The following XAB2 variants were observed in gnomAD, a reference collection of about 807,000 sequenced individuals.
XAB2 encodes XPA binding protein 2.
In XAB2, 57 loss-of-function variants were observed where a neutral mutation model predicts 113.4. The ratio of observed to expected loss-of-function variants is 0.50; its 90% CI spans 0.41 to 0.63. XAB2 has a LOEUF of 0.63. Ranked by LOEUF, XAB2 falls within the 20% of genes least tolerant of loss-of-function variation. The pLI, the probability that XAB2 is intolerant of heterozygous loss-of-function variation, is 0.00. For synonymous variants in XAB2, 497 were observed against 498.8 expected (o/e 1.00, Z 0.05); for missense variants, 1,037 against 1,233.3 (o/e 0.84, Z 2.38).
rs372724273 is a variant in XAB2 at position 7,624,295 on chromosome 19, G to A, written c.967+6C>T. The stretch of plus-strand genomic sequence containing the variant: ...TCCCCACCAGCCGGGGCCCCCAGAG[G>A]CTCACCCTCCTCCTCGCGCCCCAGC... On this transcript the variant is annotated splice_donor_region_variant and intron_variant, in intron 7 of 18. Transcript: ENST00000358368. This position sits in a 1 kb window ranked among gnomAD's most constrained non-coding sequence, Gnocchi z 4.2. 1.9e-4 allele frequency: 309 copies of A among 1,612,660 alleles called. No individual in the cohort carries two copies. The highest frequency in any genetic ancestry group is 2.4e-4 in the Non-Finnish European group (284 of 1,179,988).
rs780740847 is a variant in XAB2 at position 7,620,403 on chromosome 19, C to T, written c.2138G>A (p.Arg713Gln). 14 of 1,611,460 alleles carry T rather than the reference C, an allele frequency of 8.7e-6. No homozygotes were observed. The highest frequency in any genetic ancestry group is 5.5e-5 in the South Asian group (5 of 91,074). Reference protein sequence around the residue: ...FWQTWKDFEVRHGNEDTIKEM... With the variant: ...FWQTWKDFEVQHGNEDTIKEM... ...CTTGATGGTGTCCTCATTGCCATGC[C>T]GGACCTCAAAGTCCTTCCACGTCTG... Residue 713 changes from arginine to glutamine, a missense_variant, in exon 16 of 19, where the codon CGG becomes CAG. By Grantham distance (43) the Arg-to-Gln change is conservative (BLOSUM62 1). Transcript: ENST00000358368.
chr19:7,629,512 G>T lies in XAB2; in HGVS notation c.16C>A (p.Arg6=). 6.2e-7 allele frequency: 1 copy of T among 1,605,256 alleles called. No homozygotes were observed. The highest frequency in any genetic ancestry group is 8.5e-7 in the Non-Finnish European group (1 of 1,176,166). The change falls in exon 1 of 19, where the codon CGA becomes AGA. Residue 6 remains arginine, a synonymous_variant. Coordinates refer to ENST00000358368, the MANE Select transcript of XAB2 (RefSeq NM_020196.3). ...TCCGGCCGCTCGGGCCGCGAGAGTC[G>T]CGCCATCACCACCATTTTTCTGGAT... MVVMA[R]LSRPERPDLV...
rs371834215 is a variant in XAB2 at position 7,627,801 on chromosome 19, T to A, written c.251A>T (p.His84Leu). The change falls in exon 3 of 19, where the codon CAT (histidine) becomes CTT (leucine). Residue 84 changes from histidine (H) to leucine (L), a missense_variant. By Grantham distance (99) the His-to-Leu change is moderately conservative. Coordinates refer to ENST00000358368, the MANE Select transcript of XAB2 (RefSeq NM_020196.3). The surrounding 1 kb of genome is among the most constrained non-coding windows in gnomAD (Gnocchi z 4.5). ...YLKARRAQVK[H>L]RCVTDPAYED... ...ATAGGCAGGGTCGGTCACACAGCGA[T>A]GCTTCACCTGTGCCCGACGCGCCTT... The A allele has an allele frequency of 6.2e-7, 1 of 1,613,996 alleles. No individual in the cohort carries two copies. The highest frequency in any genetic ancestry group is 1.3e-5 in the African/African-American group (1 of 75,044).
In XAB2 at chr19:7,624,232, T is replaced by C; in HGVS notation, c.967+69A>G. The C allele has an allele frequency of 3.8e-6, 6 of 1,598,120 alleles. No individual in the cohort carries two copies. The highest frequency in any genetic ancestry group is 4.2e-6 in the Non-Finnish European group (5 of 1,177,288). On this transcript the variant is annotated intron_variant, in intron 7 of 18. Coordinates refer to ENST00000358368, the MANE Select transcript of XAB2 (RefSeq NM_020196.3). This position sits in a 1 kb window ranked among gnomAD's most constrained non-coding sequence, Gnocchi z 4.2. ...CCTCCCAGGGCTGCCTCACCTGAGA[T>C]GTGTCCCGCCCCTACCGCTAATGTC...
Position 7,620,943 on chromosome 19 carries a change from G to A in XAB2, c.1874C>T (p.Pro625Leu). Residue 625 changes from proline (P) to leucine (L), a missense_variant, in exon 14 of 19, where the codon CCC becomes CTC. Physicochemically the swap from Pro to Leu is moderately conservative, Grantham distance 98 (BLOSUM62 -3). Transcript: ENST00000358368. ...VYERATRAVEPAQQYDMFNIY... is the reference protein window; with the variant it reads ...VYERATRAVELAQQYDMFNIY... ...GTTGAACATGTCATACTGCTGGGCGGGCTCCACGGCCCTGGTGGCACGCTC... is the reference window on the plus strand; with the variant it reads ...GTTGAACATGTCATACTGCTGGGCGAGCTCCACGGCCCTGGTGGCACGCTC... The A allele has an allele frequency of 6.3e-7, 1 of 1,590,110 alleles. No individual in the cohort carries two copies.
rs148734038 is a variant in XAB2 at position 7,623,059 on chromosome 19, C to T, written c.1239+111G>A. The T allele has an allele frequency of 5.8e-6, 9 of 1,556,948 alleles. No homozygotes were observed. Among genetic ancestry groups the T allele is most frequent in the Middle Eastern group, 1.8e-4 (1 of 5,484 alleles). ...ATATGCATGCACCCAAATGCACATG[C>T]ACACACACGTGCACACATCCATGCA... On this transcript the variant is annotated intron_variant, in intron 9 of 18. Coordinates refer to ENST00000358368, the MANE Select transcript of XAB2 (RefSeq NM_020196.3). The surrounding 1 kb of genome is among the most constrained non-coding windows in gnomAD (Gnocchi z 4.6).
rs766028536 is a variant in XAB2, at chr19:7,619,864, C to T, written c.2397-8G>A. 38 of 1,611,220 alleles carry T rather than the reference C, an allele frequency of 2.4e-5. No homozygotes were observed. The highest frequency in any genetic ancestry group is 1.1e-4 in the East Asian group (5 of 44,880). On this transcript the variant is annotated splice_region_variant and splice_polypyrimidine_tract_variant and intron_variant, in intron 17 of 18. Coordinates refer to ENST00000358368, the MANE Select transcript of XAB2 (RefSeq NM_020196.3). ...TCCCGGGAGGCGTCACTCCTAGGGACGGGCCATGCTGCCTCAGTTCCCCAC... is the reference window on the plus strand; with the variant it reads ...TCCCGGGAGGCGTCACTCCTAGGGATGGGCCATGCTGCCTCAGTTCCCCAC...
chr19:7,619,724 C>T (rs1369385652), intron 18 of XAB2, 23 bp downstream of exon 18: 1 of 1,612,760 alleles, frequency 6.2e-7, no homozygotes, highest in Non-Finnish European at 8.5e-7. Flanking sequence ...ATGCCACCGT[C>T]CCCGCCCCAG....
rs1326437240 is a variant in XAB2 at position 7,624,274 on chromosome 19, C to T, written c.967+27G>A. ...GCTAATGTCCACTCAGCTCTCTCCC[C>T]ACCAGCCGGGGCCCCCAGAGGCTCA... is the stretch of plus-strand genomic sequence containing the variant. On this transcript the variant is annotated intron_variant, in intron 7 of 18. Coordinates refer to ENST00000358368, the MANE Select transcript of XAB2 (RefSeq NM_020196.3). The surrounding 1 kb of genome is among the most constrained non-coding windows in gnomAD (Gnocchi z 4.2). 6.2e-7 allele frequency: 1 copy of T among 1,610,700 alleles called. No homozygotes were observed. The highest frequency in any genetic ancestry group is 1.1e-5 in the South Asian group (1 of 91,082).
In XAB2 at chr19:7,621,252, C is replaced by G. The variant is rs1276994914; in HGVS notation, c.1663G>C (p.Asp555His). The G allele has an allele frequency of 3.7e-6, 6 of 1,613,012 alleles. No homozygotes were observed. Among genetic ancestry groups the G allele is most frequent in the Non-Finnish European group, 5.1e-6 (6 of 1,180,008 alleles). The change falls in exon 13 of 19, where the codon GAC becomes CAC. Residue 555 changes from aspartate (D) to histidine (H), a missense_variant. By Grantham distance (81) the Asp-to-His change is moderately conservative. Transcript: ENST00000358368. ...ISLFKWPNVS[D>H]IWSTYLTKFI... The stretch of plus-strand genomic sequence containing the variant: ...TTGGTCAGGTAGGTGCTCCAGATGT[C>G]GGACACGTTGGGCCACTTGAACAGC...
In XAB2 at chr19:7,628,025, G is replaced by A. The variant is rs1456598853; in HGVS notation, c.200+125C>T. On this transcript the variant is annotated intron_variant, in intron 2 of 18. Transcript: ENST00000358368. The surrounding 1 kb of genome is among the most constrained non-coding windows in gnomAD (Gnocchi z 4.6). ...GAGAAGGTGTGCTGACCCATCAAGG[G>A]ATGTACAGGTCAGTGATGAAACACG... 2 of 1,458,630 alleles carry A rather than the reference G, an allele frequency of 1.4e-6. No homozygotes were observed. The highest frequency in any genetic ancestry group is 2.8e-5 in the African/African-American group (2 of 71,734). The allele number at this position is 1,458,630 out of a possible 1,614,324, so 90.4% of individuals were successfully genotyped here. A position where few individuals can be genotyped will look rare whatever the true frequency, so the allele number is the denominator to read the frequency against.
At chr19:7,626,351 C>G in intron 4 of XAB2, 81 bp from the exon 5 acceptor site, 1 of 1,528,530 alleles carries the variant, frequency 6.5e-7, no homozygotes, top group Admixed American at 1.8e-5. Flanking sequence ...TTCGGGGCGT[C>G]CCCCCCCACC....
intron 13 of XAB2, 40 bp downstream of exon 13, chr19:7,621,095 G>GGCCCCCCCCCCCCCC: frequency 1.4e-5 from 21 of 1,486,284 alleles, no homozygotes; most frequent in East Asian, 2.5e-5. Context: ...CAGAAACCCA[G>GGCCCCCCCCCCCCCC]CCCGCCCGCC....
rs1428157465 is a variant in XAB2 at position 7,623,218 on chromosome 19, C to G, written c.1191G>C (p.Leu397=). 14 of 1,613,902 alleles carry G rather than the reference C, an allele frequency of 8.7e-6. No homozygotes were observed. Among genetic ancestry groups the G allele is most frequent in the Non-Finnish European group, 1.1e-5 (13 of 1,180,032 alleles). ...CATAAAACTTGGCAAACGCCACCCACAGAGTGTGGGGCTTGCCTGTGGCCT... is the reference window on the plus strand; with the variant it reads ...CATAAAACTTGGCAAACGCCACCCAGAGAGTGTGGGGCTTGCCTGTGGCCT... ...PFKATGKPHT[L]WVAFAKFYED... The change falls in exon 9 of 19, where the codon CTG becomes CTC. Residue 397 remains leucine (L), a synonymous_variant. Coordinates refer to ENST00000358368, the MANE Select transcript of XAB2 (RefSeq NM_020196.3). The surrounding 1 kb of genome is among the most constrained non-coding windows in gnomAD (Gnocchi z 4.6).
rs4134850 is a variant in XAB2, at chr19:7,622,772, C to T, written c.1361G>A (p.Arg454Gln). The change falls in exon 10 of 19, where the codon CGG (arginine) becomes CAG (glutamine). Residue 454 changes from arginine (R) to glutamine (Q), a missense_variant. By Grantham distance (43) the Arg-to-Gln change is conservative. Coordinates refer to ENST00000358368, the MANE Select transcript of XAB2 (RefSeq NM_020196.3). Reference protein sequence around the residue: ...LRHENYDEALRLLRKATALPA... With the variant: ...LRHENYDEALQLLRKATALPA... ...TGGGCCTGTTCTCACTCGCAGCAGC[C>T]GCAAGGCCTCATCGTAGTTCTCGTG... The T allele has an allele frequency of 1.1e-4, 181 of 1,614,072 alleles. No individual in the cohort carries two copies. The African/African-American group carries it at 1.9e-3, about 17-fold the overall frequency.
chr19:7,619,563 AGGGGG>A lies in XAB2; in HGVS notation c.*18_*22del. On this transcript the variant is annotated 3_prime_UTR_variant, in exon 19 of 19. Transcript: ENST00000358368. ...TAGCTGTATTGGGGAGGGGGTGGGGAGGGGGGATGGGGGAGGGACGGGTCAGTCTT... is the reference window on the plus strand; with the variant it reads ...TAGCTGTATTGGGGAGGGGGTGGGGAGATGGGGGAGGGACGGGTCAGTCTT... 9 of 598,574 alleles carry A rather than the reference AGGGGG, an allele frequency of 1.5e-5. No homozygotes were observed. The highest frequency in any genetic ancestry group is 2.0e-5 in the Non-Finnish European group (9 of 442,876). The allele number at this position is 598,574 out of a possible 1,614,324, so 37.1% of individuals were successfully genotyped here. A position where few individuals can be genotyped will look rare whatever the true frequency, so the allele number is the denominator to read the frequency against.
In XAB2 at chr19:7,620,490, C is replaced by T. The variant is rs774785093; in HGVS notation, c.2095-44G>A. ...AGGGGTGGGTGTGTGTGCCCGTGAG[C>T]TGGCTGACTCCGCCGCAGCCCCCAA... On this transcript the variant is annotated intron_variant, in intron 15 of 18. Transcript: ENST00000358368. 1.9e-6 allele frequency: 3 copies of T among 1,609,058 alleles called. No homozygotes were observed. In the South Asian group the frequency reaches 3.3e-5, roughly 18 times the overall value.
intron 12 of XAB2, 181 bp downstream of exon 12, chr19:7,622,150 T>C (rs1217068690): frequency 1.6e-6 from 1 of 614,310 alleles, no homozygotes; most frequent in African/African-American, 1.8e-5. Context: ...GAACCAGCCC[T>C]GCCCATGCCT....
chr19:7,619,780 C>T lies in XAB2; in HGVS notation c.2473G>A (p.Glu825Lys), dbSNP rs932077127. 3.0e-5 allele frequency: 49 copies of T among 1,613,676 alleles called. No individual in the cohort carries two copies. The highest frequency in any genetic ancestry group is 4.0e-5 in the Non-Finnish European group (47 of 1,179,948). Residue 825 changes from glutamate to lysine, a missense_variant, in exon 18 of 19, where the codon GAG becomes AAG. By Grantham distance (56) the Glu-to-Lys change is moderately conservative. Transcript: ENST00000358368. Reference protein sequence around the residue: ...NPEEIQLGEDEDEDEMDLEPN... With the variant: ...NPEEIQLGEDKDEDEMDLEPN... ...TCCAGGTCCATCTCGTCCTCGTCCT[C>T]GTCCTCGCCCAGCTGGATCTCCTCG...
Sources: gnomAD v4.1 joint callset for allele counts on GRCh38, gnomAD v4.1.1 for gene constraint, Gnocchi (gnomAD v3.1) non-coding constraint, MANE v1.5 for transcripts, NCBI Gene and HGNC (gene_info 2026-07-23, HGNC 2026-07-21) for gene names.